The following GSK3B variants were observed in gnomAD, a reference collection of about 807,000 sequenced individuals.
GSK3B encodes glycogen synthase kinase-3 beta.
In GSK3B, 15 loss-of-function variants were observed where a neutral mutation model predicts 56.4. The ratio of observed to expected loss-of-function variants is 0.27; its 90% CI spans 0.18 to 0.41. GSK3B has a LOEUF of 0.41. GSK3B is among the 10% of genes least tolerant of loss of function. The pLI is 1.00. For synonymous variants in GSK3B, 181 were observed against 188.9 expected, an observed-to-expected ratio of 0.96 and a Z score of 0.34; for missense variants, 300 against 513.4, an observed-to-expected ratio of 0.58 and a Z score of 4.02.
chr3:119,846,721 A>G (rs1442874961), intron 9 of GSK3B, among the ~76,000 whole-genome samples: 1 of 152,226 alleles, frequency 6.6e-6, no homozygotes, highest in Non-Finnish European at 1.5e-5. Flanking sequence ...TGTGGAAGAT[A>G]GTGTGGCAAT....
At chr3:120,009,266 GAC>G (rs1319699930) in intron 1 of GSK3B, among the ~76,000 whole-genome samples, 3 of 152,172 alleles carry the variant, frequency 2.0e-5, no homozygotes, top group African/African-American at 7.2e-5. Context: ...CATTGTGAAA[GAC>G]AGTGTAGCGA....
chr3:119,899,936 A>G (rs2056609529), intron 7 of GSK3B, among the ~76,000 whole-genome samples: 1 of 152,036 alleles, frequency 6.6e-6, no homozygotes, highest in Non-Finnish European at 1.5e-5. Flanking sequence ...AGCACAATCA[A>G]AAGTTTATTT....
intron 7 of GSK3B, among the ~76,000 whole-genome samples, chr3:119,877,096 A>G (rs142339500): frequency 2.0e-3 from 304 of 152,310 alleles, no homozygotes; most frequent in African/African-American, 6.4e-3. Context: ...CCATAGACAG[A>G]CTTCTATGAT....
chr3:120,053,716 T>A (rs1054132059), intron 1 of GSK3B, among the ~76,000 whole-genome samples: 4 of 152,214 alleles, frequency 2.6e-5, no homozygotes, highest in African/African-American at 9.7e-5. Context: ...CCACATTGTA[T>A]CATGGGGCAC....
At chr3:119,873,412 C>T (rs2056271987) in intron 8 of GSK3B, among the ~76,000 whole-genome samples, 1 of 151,966 alleles carries the variant, frequency 6.6e-6, no homozygotes, top group Non-Finnish European at 1.5e-5. Flanking sequence ...CCAGGGTTCA[C>T]ATGTCCACAG....
intron 2 of GSK3B, among the ~76,000 whole-genome samples, chr3:119,982,840 T>A (rs2057477071): frequency 6.6e-6 from 1 of 151,884 alleles, no homozygotes; most frequent in African/African-American, 2.4e-5. Context: ...ACATCCAAAT[T>A]CAGGAAATAG....
At chr3:120,084,643 C>T (rs1350707321) in intron 1 of GSK3B, 4 of 152,198 alleles carry the variant, frequency 2.6e-5, no homozygotes, top group Admixed American at 6.5e-5. Context: ...CTCAAGAGAA[C>T]AGGTTTTCTC....
intron 6 of GSK3B, among the ~76,000 whole-genome samples, chr3:119,907,014 A>G (rs559957845): frequency 6.6e-6 from 1 of 152,234 alleles, no homozygotes; most frequent in Admixed American, 6.5e-5. Context: ...ATAGACCAAG[A>G]GTCCTATTTA....
Position 119,825,201 on chromosome 3 carries a change from AG to A in GSK3B, c.*1586del. 4.4e-6 allele frequency: 1 copy of A among 224,916 alleles called. No homozygotes were observed. The highest frequency in any genetic ancestry group is 8.9e-6 in the Non-Finnish European group (1 of 112,808). The allele number at this position is 224,916 out of a possible 1,614,324, so 13.9% of individuals were successfully genotyped here. A position where few individuals can be genotyped will look rare whatever the true frequency, so the allele number is the denominator to read the frequency against. Reference sequence around the variant, plus strand: ...GTCAAGTAATGGCCCATAAGCACCAAGGTGACTAAAGTTCATTTTAGAGTAT... The same window carrying A: ...GTCAAGTAATGGCCCATAAGCACCAAGTGACTAAAGTTCATTTTAGAGTAT... On this transcript the variant is annotated 3_prime_UTR_variant, in exon 11 of 11. Transcript: ENST00000264235.
chr3:119,994,732 A>G (rs1364692313), intron 2 of GSK3B, among the ~76,000 whole-genome samples: 1 of 152,178 alleles, frequency 6.6e-6, no homozygotes, highest in Non-Finnish European at 1.5e-5. Flanking sequence ...ACTGTTCAAA[A>G]ACATGAATGT....
chr3:119,953,773 ACTCT>A (rs1487580539), intron 2 of GSK3B, among the ~76,000 whole-genome samples: 3 of 151,954 alleles, frequency 2.0e-5, no homozygotes, highest in Non-Finnish European at 2.9e-5. Flanking sequence ...GAATGTGCTG[ACTCT>A]CTCTCCAACC....
chr3:120,072,484 G>T (rs1017429437), intron 1 of GSK3B, among the ~76,000 whole-genome samples: 1 of 152,092 alleles, frequency 6.6e-6, no homozygotes, highest in African/African-American at 2.4e-5. Context: ...CTACTCGAGA[G>T]GCTGAGGCAG....
intron 2 of GSK3B, among the ~76,000 whole-genome samples, chr3:119,948,445 A>G (rs1333689155): frequency 6.6e-6 from 1 of 152,236 alleles, no homozygotes; most frequent in Non-Finnish European, 1.5e-5. Flanking sequence ...GTACAATGGT[A>G]TTTAAAATCC....
intron 1 of GSK3B, among the ~76,000 whole-genome samples, chr3:120,011,341 A>G (rs941456536): frequency 6.6e-6 from 1 of 152,176 alleles, no homozygotes; most frequent in African/African-American, 2.4e-5. Context: ...AAAACTAGCT[A>G]TGATAGATAT....
intron 1 of GSK3B, among the ~76,000 whole-genome samples, chr3:120,085,584 G>A (rs930853304): frequency 6.6e-6 from 1 of 152,192 alleles, no homozygotes; most frequent in African/African-American, 2.4e-5. Flanking sequence ...CAGATTGCCT[G>A]AGGTCAGGAG....
At chr3:120,079,340 ACACACACACAT>A (rs1159495223) in intron 1 of GSK3B, among the ~76,000 whole-genome samples, 1 of 136,806 alleles carries the variant, frequency 7.3e-6, no homozygotes, top group African/African-American at 2.8e-5. Flanking sequence ...ACACACACAC[ACACACACACAT>A]TTTTTTTTTT....
chr3:119,976,714 T>A (rs2057410912), intron 2 of GSK3B, among the ~76,000 whole-genome samples: 1 of 145,876 alleles, frequency 6.9e-6, no homozygotes, highest in Admixed American at 7.0e-5. Flanking sequence ...ATTAATTATA[T>A]CTCAATAAGG....
intron 1 of GSK3B, among the ~76,000 whole-genome samples, chr3:120,057,606 TATTA>T (rs755595429): frequency 1.2e-4 from 18 of 152,242 alleles, no homozygotes; most frequent in African/African-American, 4.1e-4. Flanking sequence ...GATAGATATA[TATTA>T]AAAGTTCAAA....
At chr3:119,989,462 G>A (rs1576252145) in intron 2 of GSK3B, among the ~76,000 whole-genome samples, 2 of 152,072 alleles carry the variant, frequency 1.3e-5, no homozygotes, top group Admixed American at 1.3e-4. Context: ...GACCAACAAG[G>A]TGAAACCCCA....
Sources: gnomAD v4.1 joint callset for allele counts (sites outside exome capture counted in the v4.1 genomes callset) on GRCh38, gnomAD v4.1.1 for gene constraint, MANE v1.5 for transcripts, NCBI Gene and HGNC (gene_info 2026-07-23, HGNC 2026-07-21) for gene names.